Variants in MYOF observed in about 807,000 individuals in gnomAD.
MYOF encodes the protein myoferlin.
In MYOF, 244 loss-of-function variants were observed where a neutral mutation model predicts 284.2. That is an observed-to-expected ratio of 0.86 (90% CI 0.77 to 0.95). The LOEUF is 0.95. Ranked by LOEUF, MYOF falls within the 40% of genes least tolerant of loss-of-function variation. The pLI, the probability that MYOF is intolerant of heterozygous loss-of-function variation, is 0.00. For missense variants in MYOF, 2,496 were observed against 2,560.6 expected (o/e 0.97, Z 0.54); for synonymous variants, 904 against 919.7 (o/e 0.98, Z 0.31).
intron 29 of MYOF, among the ~76,000 whole-genome samples, chr10:93,358,847 A>G (rs944778380): frequency 1.3e-5 from 2 of 152,072 alleles, no homozygotes; most frequent in Non-Finnish European, 2.9e-5. Context: ...TGGGTTTAAT[A>G]TGTAGGCGAC....
intron 32 of MYOF, among the ~76,000 whole-genome samples, chr10:93,353,342 T>C (rs1844617513): frequency 1.3e-5 from 2 of 152,152 alleles, no homozygotes; most frequent in South Asian, 4.2e-4. Flanking sequence ...ATTGGGAATG[T>C]GGGGAGCAGG....
Position 93,387,845 on chromosome 10 carries a change from T to C in MYOF, c.1650A>G (p.Pro550=). The C allele has an allele frequency of 6.2e-7, 1 of 1,614,114 alleles. No individual in the cohort carries two copies. The change falls in exon 19 of 54, where the codon CCA becomes CCG. Residue 550 remains proline (P), a synonymous_variant. Transcript: ENST00000359263. ...TTGAAATGGGCTCAAGCTTTTTATCTGGTGGTGTCTTCTCAAGAAAAGTGG... is the reference window on the plus strand; with the variant it reads ...TTGAAATGGGCTCAAGCTTTTTATCCGGTGGTGTCTTCTCAAGAAAAGTGG... The part of the protein sequence containing the change: ...ELATFLEKTP[P]DKKLEPISND...
At chr10:93,407,624 G>C (rs1402272799) in intron 7 of MYOF, among the ~76,000 whole-genome samples, 1 of 150,372 alleles carries the variant, frequency 6.7e-6, no homozygotes, top group Non-Finnish European at 1.5e-5. Flanking sequence ...TGTAGTCCCA[G>C]CTACTCGGGA....
At chr10:93,385,425 C>G (rs538482722) in intron 19 of MYOF, among the ~76,000 whole-genome samples, 2 of 152,288 alleles carry the variant, frequency 1.3e-5, no homozygotes, top group South Asian at 4.1e-4. Context: ...AAAATTTGCC[C>G]ATTTGTTGCA....
chr10:93,322,569 C>T (rs1181996935), intron 48 of MYOF, among the ~76,000 whole-genome samples: 2 of 152,212 alleles, frequency 1.3e-5, no homozygotes, highest in Non-Finnish European at 2.9e-5. Context: ...ACAACAATGA[C>T]ACTTGACATG....
intron 7 of MYOF, 123 bp downstream of exon 7, chr10:93,408,664 A>AC: frequency 7.5e-7 from 1 of 1,333,204 alleles, no homozygotes; most frequent in Non-Finnish European, 1.0e-6. Flanking sequence ...ACATGGTCAC[A>AC]CCTAGTTTTG....
At chr10:93,311,500 A>C (rs2133710148) in intron 51 of MYOF, among the ~76,000 whole-genome samples, 1 of 151,518 alleles carries the variant, frequency 6.6e-6, no homozygotes, top group Non-Finnish European at 1.5e-5. Context: ...GTGCGCCTGT[A>C]GTCCCAGCTA....
chr10:93,482,266 C>A lies in MYOF; in HGVS notation c.-72G>T, dbSNP rs557605416. The A allele has an allele frequency of 9.6e-5, 126 of 1,308,784 alleles. No individual in the cohort carries two copies. Among genetic ancestry groups the A allele is most frequent in the African/African-American group, 3.0e-4 (20 of 67,778 alleles). The allele number at this position is 1,308,784 out of a possible 1,614,324, so 81.1% of individuals were successfully genotyped here. On this transcript the variant is annotated 5_prime_UTR_variant, in exon 1 of 54. Coordinates refer to ENST00000359263, the MANE Select transcript of MYOF (RefSeq NM_013451.4). Reference sequence around the variant, plus strand: ...TAGGGCGCTGGAGCTCCGGGTCGCACCGCCCTGGGAGAGAAGTTCTCTCCC... The same window carrying A: ...TAGGGCGCTGGAGCTCCGGGTCGCAACGCCCTGGGAGAGAAGTTCTCTCCC...
At chr10:93,340,963 T>C (rs1260177676) in intron 38 of MYOF, among the ~76,000 whole-genome samples, 1 of 152,180 alleles carries the variant, frequency 6.6e-6, no homozygotes, top group Non-Finnish European at 1.5e-5. Context: ...GGGCTCTTCC[T>C]CCGGTTGCCA....
intron 50 of MYOF, 114 bp from the exon 51 acceptor site, chr10:93,313,324 A>G: frequency 2.0e-6 from 2 of 992,946 alleles, no homozygotes; most frequent in Non-Finnish European, 1.4e-6. Flanking sequence ...TTGAACAGGT[A>G]AATGGTGAGT....
intron 39 of MYOF, 74 bp from the exon 40 acceptor site, chr10:93,337,987 T>C: frequency 1.8e-6 from 2 of 1,099,592 alleles, no homozygotes; most frequent in Non-Finnish European, 2.8e-6. Context: ...AATGCATTTG[T>C]AATAGTTAAG....
intron 1 of MYOF, among the ~76,000 whole-genome samples, chr10:93,460,462 C>T (rs1010282010): frequency 4.6e-5 from 7 of 152,216 alleles, no homozygotes; most frequent in African/African-American, 1.7e-4. Flanking sequence ...AATTCTTAGT[C>T]TTAAAAAGTT....
At position 93,431,365 on chromosome 10, in the gene MYOF, T is replaced by C. The variant is rs769250735; in HGVS notation, c.345+43A>G. ...TTTTTCTTAATGAAATTTTGCTCAA[T>C]CATCTCACTTCAAAGCCATTCAATA... On this transcript the variant is annotated intron_variant, in intron 4 of 53. Transcript: ENST00000359263. 1.1e-5 allele frequency: 17 copies of C among 1,565,228 alleles called. No individual in the cohort carries two copies. The South Asian group carries it at 1.7e-4, about 15-fold the overall frequency.
intron 35 of MYOF, among the ~76,000 whole-genome samples, chr10:93,350,237 C>T (rs927136451): frequency 2.6e-5 from 4 of 152,156 alleles, no homozygotes; most frequent in African/African-American, 9.7e-5. Context: ...AGGTAACTCA[C>T]CTCCCTATGT....
intron 17 of MYOF, among the ~76,000 whole-genome samples, chr10:93,390,131 TG>T (rs1168770876): frequency 6.6e-6 from 1 of 152,246 alleles, no homozygotes; most frequent in Non-Finnish European, 1.5e-5. Flanking sequence ...ATCATATCTA[TG>T]GCCCTTTCCA....
At chr10:93,363,733 A>T (rs528634098) in intron 27 of MYOF, among the ~76,000 whole-genome samples, 44 of 152,352 alleles carry the variant, frequency 2.9e-4, no homozygotes, top group Non-Finnish European at 5.1e-4. Flanking sequence ...AATTTGCACA[A>T]TCCAAACTAT....
At chr10:93,389,240 G>C (rs1357856935) in intron 17 of MYOF, 86 bp from the exon 18 acceptor site, 4 of 1,419,162 alleles carry the variant, frequency 2.8e-6, no homozygotes, top group Admixed American at 5.5e-5. Context: ...AGTTAGGTGA[G>C]ACTATTTTCC....
At chr10:93,469,915 T>G (rs2057099313) in intron 1 of MYOF, among the ~76,000 whole-genome samples, 1 of 152,110 alleles carries the variant, frequency 6.6e-6, no homozygotes, top group Admixed American at 6.6e-5. Context: ...TTATTTTTAT[T>G]TTTACTTTTT....
In MYOF at chr10:93,399,505, A is replaced by G. The variant is rs762058640; in HGVS notation, c.1118-10T>C. On this transcript the variant is annotated splice_polypyrimidine_tract_variant and intron_variant, in intron 12 of 53. Coordinates refer to ENST00000359263, the MANE Select transcript of MYOF (RefSeq NM_013451.4). ...GAGAAGGCATCATCCACTGGAAGGT[A>G]ATAGTTATACAGCAGAAATTAAATT... is the stretch of plus-strand genomic sequence containing the variant. 5 of 1,588,308 alleles carry G rather than the reference A, an allele frequency of 3.1e-6. No homozygotes were observed. In the Admixed American group the frequency reaches 8.6e-5, roughly 27 times the overall value.
Sources: allele counts gnomAD v4.1 joint callset (sites outside exome capture counted in the v4.1 genomes callset), GRCh38; gene constraint gnomAD v4.1.1; transcripts MANE v1.5; gene names NCBI Gene and HGNC (gene_info 2026-07-23, HGNC 2026-07-21).